Variants in FUT2 observed in about 807,000 individuals in gnomAD.
FUT2 encodes fucosyltransferase 2 (H blood group).
For missense variants in FUT2, 419 were observed against 465.8 expected (o/e 0.90, Z 0.93); for synonymous variants, 182 against 193.1 (o/e 0.94, Z 0.48).
In FUT2 at chr19:48,703,019, G is replaced by A. The variant is rs370871822; in HGVS notation, c.63G>A (p.Thr21=). The change falls in exon 2 of 2, where the codon ACG becomes ACA. Residue 21 remains threonine, a synonymous_variant. Coordinates refer to ENST00000425340, the MANE Select transcript of FUT2 (RefSeq NM_000511.6). ...PMAHFILFVF[T]VSTIFHVQQR... ...CCCACTTCATCCTCTTTGTCTTTACGGTTTCCACTATATTTCACGTTCAGC... is the reference window on the plus strand; with the variant it reads ...CCCACTTCATCCTCTTTGTCTTTACAGTTTCCACTATATTTCACGTTCAGC... 48 of 1,612,826 alleles carry A rather than the reference G, an allele frequency of 3.0e-5. No individual in the cohort carries two copies. The highest frequency in any genetic ancestry group is 5.0e-5 in the Admixed American group (3 of 59,970).
At position 48,704,381 on chromosome 19, in the gene FUT2, C is replaced by T. The variant is rs1053638192; in HGVS notation, c.*393C>T. 1.4e-4 allele frequency: 45 copies of T among 321,612 alleles called. No individual in the cohort carries two copies. Among genetic ancestry groups the T allele is most frequent in the East Asian group, 1.4e-4 (2 of 14,234 alleles). 19.9% of individuals were successfully genotyped at this position (321,612 alleles called of 1,614,324 possible). ...AGGTTGCAGTGAGCCAAGATGGTGC[C>T]GCTGCACTCCAGTCTGGGTGACACA... On this transcript the variant is annotated 3_prime_UTR_variant, in exon 2 of 2. Coordinates refer to ENST00000425340, the MANE Select transcript of FUT2 (RefSeq NM_000511.6).
chr19:48,702,954 G>T lies in FUT2; in HGVS notation c.-2-1G>T. ...CGTGTCCCGTTTTCCTCCCCTGACA[G>T]CCATGCTGGTCGTTCAGATGCCTTT... On this transcript the variant is annotated splice_acceptor_variant, in intron 1 of 1. Coordinates refer to ENST00000425340, the MANE Select transcript of FUT2 (RefSeq NM_000511.6). LOFTEE classifies it low-confidence loss of function (5UTR_SPLICE). 6.2e-7 allele frequency: 1 copy of T among 1,613,076 alleles called. No homozygotes were observed.
intron 1 of FUT2, among the ~76,000 whole-genome samples, chr19:48,697,217 T>C (rs1032002151): frequency 1.3e-5 from 2 of 151,614 alleles, no homozygotes; most frequent in African/African-American, 2.4e-5. Flanking sequence ...TGGTGGTGCA[T>C]GCCTGTAATC....
At position 48,705,111 on chromosome 19, in the gene FUT2, C is replaced by CTTT. The variant is rs764196118; in HGVS notation, c.*1138_*1140dup. 26 of 139,130 alleles carry CTTT rather than the reference C, an allele frequency of 1.9e-4. 1 individual carries two copies. Among genetic ancestry groups the CTTT allele is most frequent in the Non-Finnish European group, 2.9e-4 (20 of 68,954 alleles). The allele number at this position is 139,130 out of a possible 1,614,324, so 8.6% of individuals were successfully genotyped here. A position where few individuals can be genotyped will look rare whatever the true frequency, so the allele number is the denominator to read the frequency against. ...CACTGTTTTCTTTTCTTTTTCTTTTCTTTTTTTTTTTTTTTTTGAGATGGA... is the reference window on the plus strand; with the variant it reads ...CACTGTTTTCTTTTCTTTTTCTTTTCTTTTTTTTTTTTTTTTTTTTGAGATGGA... On this transcript the variant is annotated 3_prime_UTR_variant, in exon 2 of 2. Coordinates refer to ENST00000425340, the MANE Select transcript of FUT2 (RefSeq NM_000511.6).
Position 48,702,947 on chromosome 19 carries a change from C to T in FUT2, c.-2-8C>T, listed in dbSNP as rs758344300. The stretch of plus-strand genomic sequence containing the variant: ...CAGCTAACGTGTCCCGTTTTCCTCC[C>T]CTGACAGCCATGCTGGTCGTTCAGA... On this transcript the variant is annotated splice_region_variant and splice_polypyrimidine_tract_variant and intron_variant, in intron 1 of 1. Transcript: ENST00000425340. The T allele has an allele frequency of 6.8e-6, 11 of 1,613,062 alleles. No individual in the cohort carries two copies. In the East Asian group the frequency reaches 2.5e-4, roughly 36 times the overall value.
intron 1 of FUT2, among the ~76,000 whole-genome samples, chr19:48,698,543 G>A (rs1292428036): frequency 6.6e-6 from 1 of 151,964 alleles, no homozygotes; most frequent in Non-Finnish European, 1.5e-5. Context: ...CCAGGTTCAA[G>A]TGGTTCTCCT....
chr19:48,704,282 C>T lies in FUT2; in HGVS notation c.*294C>T, dbSNP rs774644840. 49 of 442,848 alleles carry T rather than the reference C, an allele frequency of 1.1e-4. No homozygotes were observed. The highest frequency in any genetic ancestry group is 6.9e-4 in the Middle Eastern group (1 of 1,442). 27.4% of individuals were successfully genotyped at this position (442,848 alleles called of 1,614,324 possible). On this transcript the variant is annotated 3_prime_UTR_variant, in exon 2 of 2. Coordinates refer to ENST00000425340, the MANE Select transcript of FUT2 (RefSeq NM_000511.6). ...ACTAAAAATACAAAAATTAGCCAGG[C>T]GTGGTGGTGCACACCTGTAATCCCA...
At chr19:48,700,027 C>T (rs1468457854) in intron 1 of FUT2, among the ~76,000 whole-genome samples, 1 of 151,258 alleles carries the variant, frequency 6.6e-6, no homozygotes, top group African/African-American at 2.4e-5. Flanking sequence ...GTGGTGCACA[C>T]CTGTAATCCC....
chr19:48,696,424 T>C (rs1351671192), intron 1 of FUT2: 1 of 152,442 alleles, frequency 6.6e-6, no homozygotes, highest in Non-Finnish European at 1.5e-5. Context: ...TGAACCACCC[T>C]GGCAGTAATG....
chr19:48,701,822 G>A (rs573446895), intron 1 of FUT2, among the ~76,000 whole-genome samples: 4 of 151,606 alleles, frequency 2.6e-5, no homozygotes, highest in East Asian at 2.0e-4. Context: ...GTGAAACCCC[G>A]TCTCTACTAA....
At chr19:48,700,108 G>C (rs1435002327) in intron 1 of FUT2, among the ~76,000 whole-genome samples, 2 of 141,694 alleles carry the variant, frequency 1.4e-5, no homozygotes, top group Non-Finnish European at 3.0e-5. Flanking sequence ...AGCCAAGATG[G>C]CGCCACTGCA....
intron 1 of FUT2, among the ~76,000 whole-genome samples, chr19:48,699,267 TACTG>T (rs1184551423): frequency 6.6e-6 from 1 of 151,966 alleles, no homozygotes; most frequent in African/African-American, 2.4e-5. Context: ...GATCTTAGCT[TACTG>T]ACTGCAATCT....
chr19:48,698,509 G>A (rs1197740273), intron 1 of FUT2, among the ~76,000 whole-genome samples: 1 of 151,742 alleles, frequency 6.6e-6, no homozygotes, highest in Non-Finnish European at 1.5e-5. Flanking sequence ...TGGCACAATC[G>A]CAGCTCACCA....
Position 48,703,761 on chromosome 19 carries a change from G to C in FUT2, c.805G>C (p.Gly269Arg). ...GGTGTTTGCTGGCGATGGCATTGAG[G>C]GCTCACCTGCCAAAGATTTTGCTCT... ...DVVFAGDGIE[G>R]SPAKDFALLT... The change falls in exon 2 of 2, where the codon GGC becomes CGC. Residue 269 changes from glycine to arginine, a missense_variant. Transcript: ENST00000425340. 1 of 1,613,494 alleles carries C rather than the reference G, an allele frequency of 6.2e-7. No individual in the cohort carries two copies. The highest frequency in any genetic ancestry group is 8.5e-7 in the Non-Finnish European group (1 of 1,179,994).
Position 48,703,261 on chromosome 19 carries a change from C to T in FUT2, c.305C>T (p.Thr102Ile), listed in dbSNP as rs778485301. 5 of 1,612,934 alleles carry T rather than the reference C, an allele frequency of 3.1e-6. No homozygotes were observed. In the South Asian group the frequency reaches 4.4e-5, roughly 14 times the overall value. ...TTCATCCCGGCCCAGATGCACAGCA[C>T]CCTGGCCCCCATCTTCAGAATCACC... The part of the protein sequence containing the change: ...PAFIPAQMHS[T>I]LAPIFRITLP... The change falls in exon 2 of 2, where the codon ACC becomes ATC. Residue 102 changes from threonine to isoleucine, a missense_variant. By Grantham distance (89) the Thr-to-Ile change is moderately conservative. Transcript: ENST00000425340.
rs1193749390 is a variant in FUT2, at chr19:48,703,934, C to T, written c.978C>T (p.Phe326=). ...AAATCTTTAAGCCAGAGGCAGCCTT[C>T]CTGCCGGAGTGGACAGGGATTGCCG... ...FLKIFKPEAA[F]LPEWTGIAAD... The change falls in exon 2 of 2, where the codon TTC becomes TTT. Residue 326 remains phenylalanine (F), a synonymous_variant. Transcript: ENST00000425340. The T allele has an allele frequency of 6.2e-7, 1 of 1,613,592 alleles. No homozygotes were observed.
intron 1 of FUT2, among the ~76,000 whole-genome samples, chr19:48,701,445 C>T (rs1282133401): frequency 6.6e-6 from 1 of 151,878 alleles, no homozygotes; most frequent in African/African-American, 2.4e-5. Flanking sequence ...TCCCAAAGTG[C>T]TGGGATTACA....
At chr19:48,698,941 CTATT>C (rs1030844309) in intron 1 of FUT2, among the ~76,000 whole-genome samples, 19 of 151,884 alleles carry the variant, frequency 1.3e-4, no homozygotes, top group Non-Finnish European at 2.4e-4. Context: ...GTCTTTTTCT[CTATT>C]TGTCTCTTCC....
intron 1 of FUT2, among the ~76,000 whole-genome samples, chr19:48,698,863 A>G (rs1568460568): frequency 6.6e-6 from 1 of 151,936 alleles, no homozygotes; most frequent in Non-Finnish European, 1.5e-5. Flanking sequence ...TGTGTGAGCC[A>G]TCATGCCTGG....
Sources: gnomAD v4.1 joint callset for allele counts (sites outside exome capture counted in the v4.1 genomes callset) on GRCh38, gnomAD v4.1.1 for gene constraint, MANE v1.5 for transcripts, NCBI Gene and HGNC (gene_info 2026-07-23, HGNC 2026-07-21) for gene names.